HIVEP3: variants seen among roughly 807,000 people sequenced by gnomAD.
HIVEP3 encodes the protein HIVEP zinc finger 3.
Under a neutral mutation model 152.8 loss-of-function variants are expected in HIVEP3, and 49 were observed. That is an observed-to-expected ratio of 0.32 (90% CI 0.26 to 0.41). The LOEUF (loss-of-function observed/expected upper bound fraction) is 0.41, where lower values mean the gene tolerates loss of function less well. HIVEP3 is among the 10% of genes least tolerant of loss of function. The pLI, the probability that HIVEP3 is intolerant of heterozygous loss-of-function variation, is 1.00. For missense variants in HIVEP3, 2,790 were observed against 3,103.3 expected, an observed-to-expected ratio of 0.90 and a Z score of 2.40; for synonymous variants, 1,269 against 1,289.0, an observed-to-expected ratio of 0.98 and a Z score of 0.33.
At chr1:41,929,503 A>G (rs1307363909) in intron 1 of HIVEP3, among the ~76,000 whole-genome samples, 2 of 151,810 alleles carry the variant, frequency 1.3e-5, no homozygotes, top group Non-Finnish European at 2.9e-5. Flanking sequence ...TATGTTTCCA[A>G]GAAGTCCTGG....
At chr1:41,534,470 G>C (rs1643348092) in intron 5 of HIVEP3, among the ~76,000 whole-genome samples, 2 of 152,088 alleles carry the variant, frequency 1.3e-5, no homozygotes, top group Admixed American at 6.5e-5. Flanking sequence ...TTTGCACCAA[G>C]GTCCTGTCCT....
intron 1 of HIVEP3, among the ~76,000 whole-genome samples, chr1:41,791,506 G>C (rs970635229): frequency 5.1e-4 from 78 of 152,140 alleles, no homozygotes; most frequent in Admixed American, 3.3e-4. Flanking sequence ...TATATATAAT[G>C]GATGTGATGG....
chr1:41,663,020 C>T (rs937783186), intron 2 of HIVEP3, among the ~76,000 whole-genome samples: 1 of 152,206 alleles, frequency 6.6e-6, no homozygotes, highest in Non-Finnish European at 1.5e-5. Context: ...CACCCCGGGG[C>T]TTCCCAATGG....
intron 1 of HIVEP3, among the ~76,000 whole-genome samples, chr1:41,772,848 G>A (rs921896824): frequency 1.2e-4 from 18 of 152,226 alleles, no homozygotes; most frequent in African/African-American, 4.1e-4. Context: ...ACAGGTTGCA[G>A]TGAGCCGAGA....
chr1:41,978,268 G>A (rs1033723598), intron 1 of HIVEP3, among the ~76,000 whole-genome samples: 5 of 152,112 alleles, frequency 3.3e-5, no homozygotes, highest in African/African-American at 1.2e-4. Context: ...GTCAGCAGCT[G>A]TGGGCAACAG....
chr1:42,023,495 T>A (rs1258023251), intron 1 of HIVEP3, among the ~76,000 whole-genome samples: 1 of 152,142 alleles, frequency 6.6e-6, no homozygotes. Context: ...CTAATCATAA[T>A]CCCCAGTGTT....
intron 5 of HIVEP3, among the ~76,000 whole-genome samples, chr1:41,540,083 G>T (rs1052679412): frequency 6.6e-6 from 1 of 152,240 alleles, no homozygotes; most frequent in Non-Finnish European, 1.5e-5. Flanking sequence ...TACTGTCAGA[G>T]GTGGGACCTG....
chr1:41,714,129 A>T (rs1273499239), intron 1 of HIVEP3, among the ~76,000 whole-genome samples: 1 of 152,216 alleles, frequency 6.6e-6, no homozygotes, highest in Non-Finnish European at 1.5e-5. Flanking sequence ...TCACCAGCTC[A>T]GGGAGGGAGG....
intron 5 of HIVEP3, among the ~76,000 whole-genome samples, chr1:41,530,181 G>A (rs1643202840): frequency 6.6e-6 from 1 of 152,192 alleles, no homozygotes; most frequent in African/African-American, 2.4e-5. Flanking sequence ...CACCATGGCT[G>A]CCCTGACCAG....
upstream of HIVEP3, among the ~76,000 whole-genome samples, chr1:41,923,495 G>C (rs960448029): frequency 6.6e-6 from 1 of 152,120 alleles, no homozygotes; most frequent in Non-Finnish European, 1.5e-5. Flanking sequence ...GAGGTGGCGG[G>C]GGGAAGGGAA....
chr1:41,760,069 A>T (rs1220223794), intron 1 of HIVEP3, among the ~76,000 whole-genome samples: 1 of 152,096 alleles, frequency 6.6e-6, no homozygotes, highest in Admixed American at 6.6e-5. Flanking sequence ...GCTACTGGGG[A>T]GGCTGAGGCA....
At chr1:41,567,443 T>C (rs2810562) in intron 5 of HIVEP3, among the ~76,000 whole-genome samples, 150,881 of 152,350 alleles carry the variant, frequency 0.99, 74,726 homozygotes, top group Non-Finnish European at 1. Context: ...AATAGCCCAG[T>C]GTGGGCTCAT....
rs1307415966 is a variant in HIVEP3 at position 41,728,341 on chromosome 1, A to C, written c.-800-27346T>G. On this transcript the variant is annotated intron_variant, in intron 1 of 8. Transcript: ENST00000372583. ...GGCACAAATTCCTCAGCCCCAGCCC[A>C]GGGAGTGCCCAGCCTAGAGGGGAGC... Among the ~76,000 whole-genome samples, 4 of 152,204 alleles carry C rather than the reference A, an allele frequency of 2.6e-5. No individual in the cohort carries two copies. The East Asian group carries it at 7.7e-4, about 29-fold the overall frequency.
chr1:41,874,365 T>G (rs1644131781), intron 1 of HIVEP3, among the ~76,000 whole-genome samples: 1 of 152,210 alleles, frequency 6.6e-6, no homozygotes, highest in Admixed American at 6.5e-5. Flanking sequence ...TTTGGAGAAT[T>G]CTGCTTGAGT....
Position 41,757,582 on chromosome 1 carries a change from AAAC to A in HIVEP3, c.-800-56590_-800-56588del, listed in dbSNP as rs1023202995. On this transcript the variant is annotated intron_variant, in intron 1 of 8. Coordinates refer to ENST00000372583, the MANE Select transcript of HIVEP3 (RefSeq NM_024503.5). ...GTGTCTCAAAAAACAAATAAACAAA[AAAC>A]AACAACAAAACCCAAAACAATGGTT... Among the ~76,000 whole-genome samples, 49 of 152,262 alleles carry A rather than the reference AAAC, an allele frequency of 3.2e-4. 1 individual carries two copies. Among genetic ancestry groups the A allele is most frequent in the African/African-American group, 1.1e-3 (47 of 41,558 alleles).
At chr1:41,809,775 A>G (rs1298148097) in intron 1 of HIVEP3, among the ~76,000 whole-genome samples, 1 of 152,208 alleles carries the variant, frequency 6.6e-6, no homozygotes, top group African/African-American at 2.4e-5. Context: ...GACACTCAGT[A>G]AACACATGGG....
At chr1:41,824,844 TTATA>T (rs1465417711) in intron 1 of HIVEP3, among the ~76,000 whole-genome samples, 3 of 77,310 alleles carry the variant, frequency 3.9e-5, no homozygotes, top group African/African-American at 5.8e-5. Flanking sequence ...GAGAGAGAGT[TTATA>T]TATAGAGAGA....
intron 1 of HIVEP3, among the ~76,000 whole-genome samples, chr1:41,989,525 ATTTGAACAGAGT>A (rs943243649): frequency 1.3e-5 from 2 of 152,192 alleles, no homozygotes; most frequent in African/African-American, 4.8e-5. Context: ...ATAAGGAGAT[ATTTGAACAGAGT>A]TCTGAAGAGA....
chr1:41,756,925 G>GA (rs1381416260), intron 1 of HIVEP3, among the ~76,000 whole-genome samples: 1 of 151,926 alleles, frequency 6.6e-6, no homozygotes, highest in African/African-American at 2.4e-5. Flanking sequence ...GCAAAGTCTA[G>GA]AAAGTTATTC....
Sources: allele counts gnomAD v4.1 joint callset (sites outside exome capture counted in the v4.1 genomes callset), GRCh38; gene constraint gnomAD v4.1.1; transcripts MANE v1.5; gene names NCBI Gene and HGNC (gene_info 2026-07-23, HGNC 2026-07-21).